The following NME8 variants were observed in gnomAD, a reference collection of about 807,000 sequenced individuals.
NME8 encodes protein NME8.
In NME8, 72 loss-of-function variants were observed where a neutral mutation model predicts 82.3. That is an observed-to-expected ratio of 0.87 (90% CI 0.72 to 1.06). The LOEUF (loss-of-function observed/expected upper bound fraction) is 1.06, where lower values mean the gene tolerates loss of function less well. NME8 is among the 50% of genes least tolerant of loss of function. The pLI, the probability that NME8 is intolerant of heterozygous loss-of-function variation, is 0.00. For missense variants in NME8, 712 were observed against 685.4 expected (o/e 1.04, Z -0.43); for synonymous variants, 267 against 228.5 (o/e 1.17, Z -1.52).
intron 12 of NME8, 29 bp downstream of exon 12, chr7:37,877,036 T>G (rs934360388): frequency 3.2e-6 from 5 of 1,560,262 alleles, no homozygotes; most frequent in East Asian, 4.5e-5. Context: ...ATTGTTTAAG[T>G]ATTTTATATA....
At chr7:37,867,589 T>C in intron 10 of NME8, 113 bp from the exon 11 acceptor site, 1 of 769,382 alleles carries the variant, frequency 1.3e-6, no homozygotes, top group South Asian at 1.4e-5. Flanking sequence ...GTAACATTCC[T>C]TTGCCCAGGG....
intron 2 of NME8, among the ~76,000 whole-genome samples, chr7:37,849,993 G>C (rs1342904073): frequency 6.6e-6 from 1 of 151,990 alleles, no homozygotes; most frequent in Non-Finnish European, 1.5e-5. Flanking sequence ...TAATTGGATT[G>C]TTTGTAACAC....
intron 6 of NME8, among the ~76,000 whole-genome samples, chr7:37,861,547 TA>T (rs981794524): frequency 6.6e-6 from 1 of 151,986 alleles, no homozygotes; most frequent in Non-Finnish European, 1.5e-5. Flanking sequence ...TAGGGCTTTT[TA>T]AAAAAAACCT....
In NME8 at chr7:37,850,706, A is replaced by T. The variant is rs759876007; in HGVS notation, c.169A>T (p.Asn57Tyr). ...ATTCAGAAAATTGAAAAATGAACTG[A>T]ACGAAGACGAAATTCTGCATTTTGC... ...PLFRKLKNEL[N>Y]EDEILHFAVA... The change falls in exon 5 of 18, where the codon AAC (asparagine) becomes TAC (tyrosine). Residue 57 changes from asparagine to tyrosine, a missense_variant. Coordinates refer to ENST00000199447, the MANE Select transcript of NME8 (RefSeq NM_016616.5). The T allele has an allele frequency of 6.2e-7, 1 of 1,613,394 alleles. No homozygotes were observed. Among genetic ancestry groups the T allele is most frequent in the Non-Finnish European group, 8.5e-7 (1 of 1,179,490 alleles).
Position 37,862,151 on chromosome 7 carries a change from C to A in NME8, c.387+7C>A, listed in dbSNP as rs751058129. ...TGAAATGGCTCGACCTCAGGTAATA[C>A]TTTGGATTAACAACAGTTTGAAGAC... On this transcript the variant is annotated splice_region_variant and intron_variant, in intron 7 of 17. Transcript: ENST00000199447. 7.0e-6 allele frequency: 11 copies of A among 1,561,734 alleles called. No homozygotes were observed. The African/African-American group carries it at 1.2e-4, about 17-fold the overall frequency.
intron 11 of NME8, among the ~76,000 whole-genome samples, chr7:37,872,126 A>G (rs1784774643): frequency 6.6e-6 from 1 of 151,714 alleles, no homozygotes; most frequent in Non-Finnish European, 1.5e-5. Context: ...AGACCCTGAG[A>G]ATAACAGACT....
Position 37,863,262 on chromosome 7 carries a change from T to C in NME8, c.388-134T>C, listed in dbSNP as rs1225516514. 7.7e-6 allele frequency: 5 copies of C among 646,980 alleles called. No individual in the cohort carries two copies. The African/African-American group carries it at 9.1e-5, about 12-fold the overall frequency. The allele number at this position is 646,980 out of a possible 1,614,324, so 40.1% of individuals were successfully genotyped here. A position where few individuals can be genotyped will look rare whatever the true frequency, so the allele number is the denominator to read the frequency against. On this transcript the variant is annotated intron_variant, in intron 7 of 17. Transcript: ENST00000199447. ...GCTGGAGACAGTAATGTTAGATAAG[T>C]TCAGGAACTCTTCCACTTTACTTTC... is the stretch of plus-strand genomic sequence containing the variant.
Position 37,867,795 on chromosome 7 carries a change from GA to G in NME8, c.718del (p.Thr240ProfsTer27), listed in dbSNP as rs1784709342. The G allele has an allele frequency of 2.5e-6, 4 of 1,613,814 alleles. No individual in the cohort carries two copies. The highest frequency in any genetic ancestry group is 1.7e-6 in the Non-Finnish European group (2 of 1,179,868). On this transcript the variant is annotated frameshift_variant, in exon 11 of 18. Coordinates refer to ENST00000199447, the MANE Select transcript of NME8 (RefSeq NM_016616.5). LOFTEE classifies it high-confidence loss of function. ...QGSKHNPPSEETEPQTDTEPN... is the reference protein window; with the variant it reads ...QGSKHNPPSEXTEPQTDTEPN... ...AAGTAAACACAATCCTCCCTCTGAA[GA>G]AACCGAACCACAGACTGACACCGAA...
In NME8 at chr7:37,850,762, C is replaced by T. The variant is rs372505788; in HGVS notation, c.198+27C>T. ...TAAGAATTTTGTTTTCATTAAACCA[C>T]TGTTTTCACATTATATTAAGTTTTT... On this transcript the variant is annotated intron_variant, in intron 5 of 17. Coordinates refer to ENST00000199447, the MANE Select transcript of NME8 (RefSeq NM_016616.5). The T allele has an allele frequency of 5.7e-6, 8 of 1,409,040 alleles. No homozygotes were observed. In the African/African-American group the frequency reaches 1.1e-4, roughly 20 times the overall value. 87.3% of individuals were successfully genotyped at this position (1,409,040 alleles called of 1,614,324 possible). A position where few individuals can be genotyped will look rare whatever the true frequency, so the allele number is the denominator to read the frequency against.
At chr7:37,871,261 G>C (rs1051655278) in intron 11 of NME8, among the ~76,000 whole-genome samples, 2 of 152,138 alleles carry the variant, frequency 1.3e-5, no homozygotes, top group African/African-American at 2.4e-5. Flanking sequence ...CCATGCCATC[G>C]ATGGTCTGCC....
At position 37,850,271 on chromosome 7, in the gene NME8, C is replaced by G; in HGVS notation, c.5C>G (p.Ala2Gly). Residue 2 changes from alanine to glycine, a missense_variant, in exon 3 of 18, where the codon GCA becomes GGA. Physicochemically the swap from Ala to Gly is moderately conservative, Grantham distance 60. Coordinates refer to ENST00000199447, the MANE Select transcript of NME8 (RefSeq NM_016616.5). ...TTTTCCTATGATAGTAGATAAATGG[C>G]AAGCAAAAAACGAGAAGTCCAGTTA... MASKKREVQLQT... is the reference protein window; with the variant it reads MGSKKREVQLQT... The G allele has an allele frequency of 1.2e-6, 2 of 1,613,804 alleles. No homozygotes were observed. Among genetic ancestry groups the G allele is most frequent in the South Asian group, 1.1e-5 (1 of 91,080 alleles).
chr7:37,853,276 G>C (rs2598039), intron 5 of NME8, among the ~76,000 whole-genome samples: 36,584 of 151,992 alleles, frequency 0.24, 4,412 homozygotes, highest in Middle Eastern at 0.25. Flanking sequence ...TCTGTGGCTG[G>C]TTTTTTCATT....
chr7:37,857,209 A>G lies in NME8; in HGVS notation c.199-65A>G, dbSNP rs113718796. ...ATATATATCTCTGCATTGTTTCAAC[A>G]TAGTGTATCAAATTACTTGAATATA... On this transcript the variant is annotated intron_variant, in intron 5 of 17. Transcript: ENST00000199447. The G allele has an allele frequency of 3.6e-5, 43 of 1,201,214 alleles. No individual in the cohort carries two copies. The African/African-American group carries it at 4.5e-4, about 13-fold the overall frequency. 74.4% of individuals were successfully genotyped at this position (1,201,214 alleles called of 1,614,324 possible). A position where few individuals can be genotyped will look rare whatever the true frequency, so the allele number is the denominator to read the frequency against.
At chr7:37,891,266 A>G (rs1005563999) in intron 15 of NME8, among the ~76,000 whole-genome samples, 4 of 151,746 alleles carry the variant, frequency 2.6e-5, no homozygotes, top group Non-Finnish European at 4.4e-5. Flanking sequence ...CACTATGCAG[A>G]ATTTAGTTTG....
At chr7:37,888,701 G>A (rs1785080965) in intron 15 of NME8, among the ~76,000 whole-genome samples, 1 of 152,026 alleles carries the variant, frequency 6.6e-6, no homozygotes, top group South Asian at 2.1e-4. Context: ...CAGAATTTAT[G>A]AAAATGATGA....
intron 14 of NME8, among the ~76,000 whole-genome samples, chr7:37,886,778 T>A (rs1324725198): frequency 6.6e-6 from 1 of 151,120 alleles, no homozygotes; most frequent in African/African-American, 2.4e-5. Context: ...AATCACAGAG[T>A]CCAAGGGACT....
At chr7:37,890,888 G>A (rs1161804243) in intron 15 of NME8, among the ~76,000 whole-genome samples, 2 of 151,836 alleles carry the variant, frequency 1.3e-5, no homozygotes, top group Non-Finnish European at 2.9e-5. Context: ...TGGCTGTTGT[G>A]GATAATGCTG....
chr7:37,883,727 A>G (rs1250720660), intron 12 of NME8, among the ~76,000 whole-genome samples: 4 of 152,130 alleles, frequency 2.6e-5, no homozygotes, highest in African/African-American at 4.8e-5. Flanking sequence ...ATCATTGACC[A>G]TAGCTGGATC....
At chr7:37,888,011 A>G (rs930379442) in intron 14 of NME8, among the ~76,000 whole-genome samples, 1 of 152,172 alleles carries the variant, frequency 6.6e-6, no homozygotes. Context: ...AAGCCAAACC[A>G]TATCAGCATT....
Sources: gnomAD v4.1 joint callset for allele counts (sites outside exome capture counted in the v4.1 genomes callset) on GRCh38, gnomAD v4.1.1 for gene constraint, MANE v1.5 for transcripts, NCBI Gene and HGNC (gene_info 2026-07-23, HGNC 2026-07-21) for gene names.